MYO3B: variants seen among roughly 807,000 people sequenced by gnomAD.
MYO3B encodes the protein myosin IIIB.
MYO3B carries 156 observed loss-of-function variants against 174.6 expected under a neutral mutation model. The ratio of observed to expected loss-of-function variants is 0.89; its 90% confidence interval spans 0.78 to 1.02. The LOEUF is 1.02. Ranked by LOEUF, MYO3B falls within the 50% of genes least tolerant of loss-of-function variation. The pLI, the probability that MYO3B is intolerant of heterozygous loss-of-function variation, is 0.00. For missense variants in MYO3B, 1,632 were observed against 1,639.4 expected (o/e 1.00, Z 0.08); for synonymous variants, 563 against 569.1 (o/e 0.99, Z 0.15).
At chr2:170,610,318 G>A (rs1180758016) in intron 32 of MYO3B, among the ~76,000 whole-genome samples, 1 of 151,454 alleles carries the variant, frequency 6.6e-6, no homozygotes, top group Non-Finnish European at 1.5e-5. Context: ...TCCAGCCTGG[G>A]TGACAGAGCA....
At chr2:170,193,161 A>G (rs2092560225) in intron 1 of MYO3B, among the ~76,000 whole-genome samples, 1 of 151,728 alleles carries the variant, frequency 6.6e-6, no homozygotes, top group African/African-American at 2.4e-5. Flanking sequence ...ATGAATTTTG[A>G]CATATTGTTT....
In MYO3B at chr2:170,629,440, G is replaced by T. The variant is rs564637709; in HGVS notation, c.3734-22188G>T. ...CTTCATGAGGGTGATTTTAGCAGAG[G>T]GTAAAATTATCATAAAAGTACCATC... On this transcript the variant is annotated intron_variant, in intron 32 of 34. Transcript: ENST00000408978. Among the ~76,000 whole-genome samples the T allele has an allele frequency of 2.6e-5, 4 of 152,052 alleles. No homozygotes were observed. In the Middle Eastern group the frequency reaches 0.014, roughly 517 times the overall value.
intron 17 of MYO3B, among the ~76,000 whole-genome samples, chr2:170,400,605 A>G (rs974175192): frequency 1.3e-5 from 2 of 149,454 alleles, no homozygotes; most frequent in Admixed American, 1.3e-4. Flanking sequence ...GGGTTTCACC[A>G]TCTTGGCCAG....
Position 170,383,060 on chromosome 2 carries a change from A to G in MYO3B, c.1069-13A>G. ...AATAATATTTACCTCAATACCATTT[A>G]TCCTCTTCTTAGGATACAATTATCC... On this transcript the variant is annotated splice_polypyrimidine_tract_variant and intron_variant, in intron 10 of 34. Transcript: ENST00000408978. The G allele has an allele frequency of 6.6e-7, 1 of 1,517,834 alleles. No individual in the cohort carries two copies. Among genetic ancestry groups the G allele is most frequent in the Non-Finnish European group, 9.1e-7 (1 of 1,093,156 alleles). The allele number at this position is 1,517,834 out of a possible 1,614,324, so 94.0% of individuals were successfully genotyped here. A position where few individuals can be genotyped will look rare whatever the true frequency, so the allele number is the denominator to read the frequency against.
rs144656951 is a variant in MYO3B at position 170,373,550 on chromosome 2, G to T, written c.971+4173G>T. Among the ~76,000 whole-genome samples, 299 of 152,310 alleles carry T rather than the reference G, an allele frequency of 2.0e-3. 2 individuals carry two copies. Among genetic ancestry groups the T allele is most frequent in the African/African-American group, 6.9e-3 (287 of 41,556 alleles). On this transcript the variant is annotated intron_variant, in intron 9 of 34. Coordinates refer to ENST00000408978, the MANE Select transcript of MYO3B (RefSeq NM_138995.5). ...TTCCCAGGGGAGAGAGAAGTTGGTAGTTTGAGCAGGATGCAGGGAAGAATG... is the reference window on the plus strand; with the variant it reads ...TTCCCAGGGGAGAGAGAAGTTGGTATTTTGAGCAGGATGCAGGGAAGAATG...
chr2:170,514,754 T>G (rs187015096), intron 28 of MYO3B, among the ~76,000 whole-genome samples, 167 bp from the exon 29 acceptor site: 2 of 152,346 alleles, frequency 1.3e-5, no homozygotes, highest in African/African-American at 4.8e-5. Context: ...TACACTGTAT[T>G]AAATCTTAAA....
chr2:170,207,580 CTG>C (rs1418699050), intron 3 of MYO3B, among the ~76,000 whole-genome samples: 1 of 151,600 alleles, frequency 6.6e-6, no homozygotes, highest in Non-Finnish European at 1.5e-5. Context: ...GGGAAATTAA[CTG>C]TTCCTAGTTT....
chr2:170,529,557 G>C (rs144039987), intron 30 of MYO3B, among the ~76,000 whole-genome samples: 1 of 151,936 alleles, frequency 6.6e-6, no homozygotes, highest in Non-Finnish European at 1.5e-5. Flanking sequence ...AAGAAAATCT[G>C]ATCTCTAACC....
intron 1 of MYO3B, among the ~76,000 whole-genome samples, chr2:170,193,034 T>C (rs1050498076): frequency 1.1e-4 from 16 of 152,052 alleles, no homozygotes; most frequent in African/African-American, 3.1e-4. Flanking sequence ...GTGCATCTAA[T>C]AGGTTAATCT....
At chr2:170,420,774 A>G (rs1427620868) in intron 22 of MYO3B, among the ~76,000 whole-genome samples, 1 of 152,096 alleles carries the variant, frequency 6.6e-6, no homozygotes, top group Non-Finnish European at 1.5e-5. Context: ...TCATTTATAT[A>G]CCAAACATGT....
chr2:170,404,144 C>T, intron 19 of MYO3B, 103 bp from the exon 20 acceptor site: 1 of 1,121,600 alleles, frequency 8.9e-7, no homozygotes, highest in Non-Finnish European at 1.3e-6. Flanking sequence ...CTGCTTTCCA[C>T]ATGCATTCAA....
chr2:170,212,710 A>G (rs1288711769), intron 3 of MYO3B, among the ~76,000 whole-genome samples: 1 of 152,202 alleles, frequency 6.6e-6, no homozygotes, highest in Non-Finnish European at 1.5e-5. Context: ...ATTGATTCCC[A>G]GGTCACCACA....
intron 1 of MYO3B, among the ~76,000 whole-genome samples, chr2:170,184,260 C>T (rs1216283068): frequency 6.6e-6 from 1 of 151,986 alleles, no homozygotes; most frequent in Non-Finnish European, 1.5e-5. Context: ...TGATTGTAGT[C>T]ATCCCTTTGT....
At chr2:170,240,994 T>A (rs1419091484) in intron 7 of MYO3B, among the ~76,000 whole-genome samples, 1 of 152,206 alleles carries the variant, frequency 6.6e-6, no homozygotes, top group African/African-American at 2.4e-5. Context: ...GATATCTTAT[T>A]CTCACCCAGA....
chr2:170,262,630 G>A (rs1005823847), intron 7 of MYO3B, among the ~76,000 whole-genome samples: 1 of 152,162 alleles, frequency 6.6e-6, no homozygotes, highest in African/African-American at 2.4e-5. Flanking sequence ...GGGCCAGGAA[G>A]AAATCAAAGC....
intron 32 of MYO3B, among the ~76,000 whole-genome samples, chr2:170,562,379 G>A (rs974268114): frequency 1.3e-5 from 2 of 152,052 alleles, no homozygotes; most frequent in African/African-American, 4.8e-5. Context: ...ATTTTGTTTT[G>A]GAGTTTTTAC....
At chr2:170,632,056 C>G (rs1388574882) in intron 32 of MYO3B, among the ~76,000 whole-genome samples, 1 of 140,500 alleles carries the variant, frequency 7.1e-6, no homozygotes, top group East Asian at 2.4e-4. Flanking sequence ...TAACACCCCA[C>G]TGTCAATATT....
chr2:170,197,829 A>G (rs1362939350), intron 1 of MYO3B, among the ~76,000 whole-genome samples: 1 of 152,160 alleles, frequency 6.6e-6, no homozygotes, highest in African/African-American at 2.4e-5. Context: ...TGGCTAATTT[A>G]TGACCTGTTA....
At chr2:170,589,328 A>G (rs958759140) in intron 32 of MYO3B, among the ~76,000 whole-genome samples, 1 of 152,198 alleles carries the variant, frequency 6.6e-6, no homozygotes, top group Non-Finnish European at 1.5e-5. Flanking sequence ...TATTTCTGAA[A>G]AGAGTGACAC....
Sources: allele counts gnomAD v4.1 joint callset (sites outside exome capture counted in the v4.1 genomes callset), GRCh38; gene constraint gnomAD v4.1.1; transcripts MANE v1.5; gene names NCBI Gene and HGNC (gene_info 2026-07-23, HGNC 2026-07-21).